NALCN: variants seen among roughly 807,000 people sequenced by gnomAD.
NALCN encodes sodium leak channel NALCN.
In NALCN, 111 loss-of-function variants were observed where a neutral mutation model predicts 225.3. That is an observed-to-expected ratio of 0.49 (90% CI 0.42 to 0.58). The LOEUF (loss-of-function observed/expected upper bound fraction) is 0.58. NALCN is among the 20% of genes least tolerant of loss of function. The probability of loss-of-function intolerance (pLI) is 0.00; values close to 1 mark genes in which losing one functional copy is unlikely to be tolerated. For synonymous variants in NALCN, 764 were observed against 769.0 expected, an observed-to-expected ratio of 0.99 and a Z score of 0.11; for missense variants, 1,378 against 2,202.4, an observed-to-expected ratio of 0.63 and a Z score of 7.49.
chr13:101,084,503 C>T, intron 30 of NALCN, among the ~76,000 whole-genome samples: 1 of 152,186 alleles, frequency 6.6e-6, no homozygotes, highest in East Asian at 1.9e-4. Flanking sequence ...GTGCATCCTC[C>T]TTACTATGTT....
chr13:101,337,199 A>T (rs1207482949), intron 7 of NALCN, among the ~76,000 whole-genome samples: 1 of 152,220 alleles, frequency 6.6e-6, no homozygotes, highest in Non-Finnish European at 1.5e-5. Flanking sequence ...ACAAGGGACT[A>T]GACTTAAAGC....
At chr13:101,155,798 T>C (rs1224659506) in intron 15 of NALCN, among the ~76,000 whole-genome samples, 2 of 152,212 alleles carry the variant, frequency 1.3e-5, no homozygotes, top group African/African-American at 4.8e-5. Context: ...GAGGACACTT[T>C]GAGGCCATGC....
At chr13:101,236,849 G>A (rs2041575809) in intron 12 of NALCN, among the ~76,000 whole-genome samples, 1 of 150,410 alleles carries the variant, frequency 6.6e-6, no homozygotes, top group South Asian at 2.1e-4. Flanking sequence ...CACCAGCATG[G>A]CACATGTATA....
At chr13:101,249,772 A>G (rs2042008047) in intron 11 of NALCN, among the ~76,000 whole-genome samples, 1 of 152,104 alleles carries the variant, frequency 6.6e-6, no homozygotes, top group Non-Finnish European at 1.5e-5. Context: ...AGGCATCTAT[A>G]AAAACCTACA....
intron 7 of NALCN, among the ~76,000 whole-genome samples, chr13:101,344,455 T>C (rs2045652977): frequency 6.6e-6 from 1 of 152,186 alleles, no homozygotes. Flanking sequence ...CAGTACTATA[T>C]TCTATATAAA....
intron 6 of NALCN, among the ~76,000 whole-genome samples, chr13:101,372,816 A>G (rs572703274): frequency 6.6e-6 from 1 of 152,204 alleles, no homozygotes; most frequent in South Asian, 2.1e-4. Context: ...TAAAAAGCAG[A>G]AATAAGGAAA....
intron 13 of NALCN, among the ~76,000 whole-genome samples, chr13:101,207,896 T>TG (rs1433034585): frequency 3.9e-5 from 6 of 152,238 alleles, no homozygotes; most frequent in African/African-American, 9.6e-5. Flanking sequence ...ACTGTCTTTA[T>TG]GAGCTGCAAC....
At chr13:101,369,356 A>T (rs2139394479) in intron 6 of NALCN, among the ~76,000 whole-genome samples, 1 of 152,288 alleles carries the variant, frequency 6.6e-6, no homozygotes. Flanking sequence ...TGGAGCTAAT[A>T]TTTAGATCAC....
chr13:101,253,507 GTTA>G (rs2042122864), intron 11 of NALCN, among the ~76,000 whole-genome samples: 1 of 152,114 alleles, frequency 6.6e-6, no homozygotes, highest in Admixed American at 6.6e-5. Flanking sequence ...TTGAATTGCT[GTTA>G]TTATAACTAT....
intron 7 of NALCN, among the ~76,000 whole-genome samples, chr13:101,309,085 A>T (rs546671907): frequency 1.3e-5 from 2 of 152,356 alleles, no homozygotes; most frequent in South Asian, 4.1e-4. Context: ...GGTATGATTC[A>T]ACAACATGGA....
chr13:101,362,068 G>A (rs1304841928), intron 6 of NALCN, among the ~76,000 whole-genome samples: 1 of 151,822 alleles, frequency 6.6e-6, no homozygotes, highest in Admixed American at 6.6e-5. Flanking sequence ...TCACATCTTG[G>A]AGATCAATGT....
chr13:101,101,911 G>T (rs2139602420), intron 26 of NALCN, among the ~76,000 whole-genome samples: 1 of 152,300 alleles, frequency 6.6e-6, no homozygotes, highest in East Asian at 1.9e-4. Context: ...TTGATCAAAA[G>T]ATTCATATAC....
chr13:101,142,482 C>T (rs1036755491), intron 17 of NALCN, among the ~76,000 whole-genome samples: 16 of 152,018 alleles, frequency 1.1e-4, no homozygotes, highest in East Asian at 1.9e-4. Flanking sequence ...TGAAAAAGTA[C>T]ATTTCTTTAA....
At chr13:101,155,291 A>C (rs1003941571) in intron 15 of NALCN, among the ~76,000 whole-genome samples, 1 of 152,196 alleles carries the variant, frequency 6.6e-6, no homozygotes. Flanking sequence ...TTTTTGCACG[A>C]ATGACTTTCG....
chr13:101,129,826 C>T (rs1279752108), intron 17 of NALCN, among the ~76,000 whole-genome samples: 2 of 151,764 alleles, frequency 1.3e-5, no homozygotes, highest in African/African-American at 2.4e-5. Context: ...CACCCATCAA[C>T]CCGTCATCTA....
At chr13:101,142,871 G>T in intron 17 of NALCN, 2 of 584,496 alleles carry the variant, frequency 3.4e-6, no homozygotes, top group Non-Finnish European at 2.9e-6. Context: ...GCCACGTGGC[G>T]CAGCTCAAAA....
At chr13:101,406,943 C>A (rs1258107538) in intron 1 of NALCN, among the ~76,000 whole-genome samples, 1 of 152,078 alleles carries the variant, frequency 6.6e-6, no homozygotes, top group Non-Finnish European at 1.5e-5. Flanking sequence ...GTTTTAGTCT[C>A]GTAATTTCTT....
intron 39 of NALCN, among the ~76,000 whole-genome samples, chr13:101,066,131 G>A (rs2032367669): frequency 6.6e-6 from 1 of 152,014 alleles, no homozygotes; most frequent in Non-Finnish European, 1.5e-5. Flanking sequence ...TTCGAGACCA[G>A]CCTGGCCAGC....
At chr13:101,400,374 C>T (rs557132257) in intron 1 of NALCN, among the ~76,000 whole-genome samples, 6 of 152,020 alleles carry the variant, frequency 3.9e-5, no homozygotes, top group Admixed American at 6.6e-5. Context: ...AAAAAAAGAG[C>T]GCTTCAGGCA....
Sources: gnomAD v4.1 joint callset for allele counts (sites outside exome capture counted in the v4.1 genomes callset) on GRCh38, gnomAD v4.1.1 for gene constraint, MANE v1.5 for transcripts, NCBI Gene and HGNC (gene_info 2026-07-23, HGNC 2026-07-21) for gene names.